TTN: variants seen among roughly 807,000 people sequenced by gnomAD.
The protein encoded by TTN is titin.
In TTN, 1,525 loss-of-function variants were observed where a neutral mutation model predicts 3,223.0. The ratio of observed to expected loss-of-function variants is 0.47; its 90% CI spans 0.45 to 0.49. The LOEUF is 0.49. Among genes scored for constraint, TTN ranks in the 20% least tolerant of loss-of-function variants. The pLI is 0.00. For synonymous variants in TTN, 14,094 were observed against 15,161.0 expected (o/e 0.93, Z 5.17); for missense variants, 40,786 against 43,424.0 (o/e 0.94, Z 5.40).
At chr2:178,683,136 A>T in intron 134 of TTN, 75 bp downstream of exon 134, 1 of 1,061,782 alleles carries the variant, frequency 9.4e-7, no homozygotes, top group Non-Finnish European at 1.4e-6. Flanking sequence ...AAAGTATAGG[A>T]GTCAGATTGG....
rs533677434 is a variant in TTN, at chr2:178,793,333, T to C, written c.1536+71A>G. 2.2e-4 allele frequency: 340 copies of C among 1,577,166 alleles called. No individual in the cohort carries two copies. The African/African-American group carries it at 3.9e-3, about 18-fold the overall frequency. The stretch of plus-strand genomic sequence containing the variant: ...GTGGCCCAAGGAACAACACTCTTCA[T>C]GGTAAAGGTGATTATCTGTGTTGAC... On this transcript the variant is annotated intron_variant, in intron 9 of 362. Transcript: ENST00000589042.
At chr2:178,596,750 C>A (rs1370107202) in intron 294 of TTN, among the ~76,000 whole-genome samples, 3 of 151,996 alleles carry the variant, frequency 2.0e-5, no homozygotes, top group Admixed American at 2.0e-4. Flanking sequence ...ATAGAACTGG[C>A]AATTTTCACA....
chr2:178,704,077 C>A, intron 106 of TTN, 70 bp downstream of exon 106: 1 of 1,555,620 alleles, frequency 6.4e-7, no homozygotes, highest in Admixed American at 1.8e-5. Flanking sequence ...GGTAGGGTTG[C>A]AGGGGTCCTG....
chr2:178,764,012 A>C (rs2089873259), intron 43 of TTN, among the ~76,000 whole-genome samples, 165 bp downstream of exon 43: 1 of 152,230 alleles, frequency 6.6e-6, no homozygotes, highest in Admixed American at 6.5e-5. Flanking sequence ...AAAAACACTT[A>C]TCTAATTCTT....
At position 178,799,879 on chromosome 2, in the gene TTN, C is replaced by T. The variant is rs760203564; in HGVS notation, c.615G>A (p.Lys205=). The change falls in exon 5 of 363, where the codon AAG becomes AAA. Residue 205 remains lysine, a synonymous_variant. Transcript: ENST00000589042. ...AGATCTGAGCAGTCGAAACAATTGTCTTTGTCTTTTTAGCAGGTACTTCTT... is the reference window on the plus strand; with the variant it reads ...AGATCTGAGCAGTCGAAACAATTGTTTTTGTCTTTTTAGCAGGTACTTCTT... The part of the protein sequence containing the change: ...GEEEVPAKKT[K]TIVSTAQISE... 6.2e-7 allele frequency: 1 copy of T among 1,614,100 alleles called. No homozygotes were observed. Among genetic ancestry groups the T allele is most frequent in the Non-Finnish European group, 8.5e-7 (1 of 1,179,996 alleles).
At chr2:178,654,646 G>A in intron 191 of TTN, 99 bp downstream of exon 191, 1 of 567,922 alleles carries the variant, frequency 1.8e-6, no homozygotes, top group Non-Finnish European at 3.0e-6. Context: ...GTTTTCTTTA[G>A]AATTATATCA....
rs745322652 is a variant in TTN, at chr2:178,727,181, G to T, written c.20184C>A (p.Asn6728Lys). Residue 6728 changes from asparagine to lysine, a missense_variant, in exon 69 of 363, where the codon AAC (asparagine) becomes AAA (lysine). Coordinates refer to ENST00000589042, the MANE Select transcript of TTN (RefSeq NM_001267550.2). ...CTCCACTGTCCTCAGTACTGAGATTGTTCATCTGTATGACGGCCACTGAGT... is the reference window on the plus strand; with the variant it reads ...CTCCACTGTCCTCAGTACTGAGATTTTTCATCTGTATGACGGCCACTGAGT... ...FIDSVAVIQM[N>K]NLSTEDSGDF... 1 of 1,613,216 alleles carries T rather than the reference G, an allele frequency of 6.2e-7. No homozygotes were observed. The highest frequency in any genetic ancestry group is 8.5e-7 in the Non-Finnish European group (1 of 1,179,410).
In TTN at chr2:178,611,036, A is replaced by T; in HGVS notation, c.51093T>A (p.Asn17031Lys). The change falls in exon 270 of 363, where the codon AAT (asparagine) becomes AAA (lysine). Residue 17031 changes from asparagine (N) to lysine (K), a missense_variant. Physicochemically the swap from Asn to Lys is moderately conservative, Grantham distance 94. Coordinates refer to ENST00000589042, the MANE Select transcript of TTN (RefSeq NM_001267550.2). ...TTGAGGCTGTTGCTGAGCCGAGCTT[A>T]TTCTCCAGTGTAATGGTATAAATTC... is the stretch of plus-strand genomic sequence containing the variant. ...DAGIYTITLE[N>K]KLGSATASIN... 6.2e-7 allele frequency: 1 copy of T among 1,612,676 alleles called. No individual in the cohort carries two copies.
Position 178,530,872 on chromosome 2 carries a change from T to C in TTN, c.105743A>G (p.Lys35248Arg). 6.2e-7 allele frequency: 1 copy of C among 1,613,920 alleles called. No homozygotes were observed. The highest frequency in any genetic ancestry group is 8.5e-7 in the Non-Finnish European group (1 of 1,179,882). ...TGGAGATTTCACTCGTTTTGGAGAC[T>C]TAACTGCTTCTGGGGATTTCACCCG... ...EPRVKSPEAV[K>R]SPKRVKSPEP... The change falls in exon 358 of 363, where the codon AAG becomes AGG. Residue 35248 changes from lysine to arginine, a missense_variant. Coordinates refer to ENST00000589042, the MANE Select transcript of TTN (RefSeq NM_001267550.2).
intron 13 of TTN, among the ~76,000 whole-genome samples, chr2:178,788,033 G>A (rs1165024373): frequency 6.6e-6 from 1 of 152,014 alleles, no homozygotes; most frequent in Admixed American, 6.6e-5. Flanking sequence ...ACTGGAGGAT[G>A]GACTGAATCT....
chr2:178,720,163 C>A lies in TTN; in HGVS notation c.23479G>T (p.Val7827Phe). 6.2e-7 allele frequency: 1 copy of A among 1,613,764 alleles called. No individual in the cohort carries two copies. The change falls in exon 81 of 363, where the codon GTC (valine) becomes TTC (phenylalanine). Residue 7827 changes from valine to phenylalanine, a missense_variant. By Grantham distance (50) the Val-to-Phe change is conservative (BLOSUM62 -1). Transcript: ENST00000589042. ...IVEGFQPISV[V>F]WLKDRGEVIR... ...ACTTCACCTCTATCTTTCAGCCAGA[C>A]AACAGAAATTGGCTGGAAGCCCTCC...
chr2:178,793,360 C>T (rs774818391), intron 9 of TTN, 44 bp downstream of exon 9: 7 of 1,609,190 alleles, frequency 4.4e-6, no homozygotes, highest in Non-Finnish European at 5.9e-6. Flanking sequence ...TGTGTTGACC[C>T]CTGTAAGAAC....
rs794729508 is a variant in TTN, at chr2:178,567,990, T to G, written c.78142A>C (p.Thr26048Pro). ...TCAAGATTCTGTGCTTTGAATTGGGTGTCATGAATAATAGTTTTGTTGACC... is the reference window on the plus strand; with the variant it reads ...TCAAGATTCTGTGCTTTGAATTGGGGGTCATGAATAATAGTTTTGTTGACC... ...TKVNKTIIHD[T>P]QFKAQNLEEG... The change falls in exon 326 of 363, where the codon ACC (threonine) becomes CCC (proline). Residue 26048 changes from threonine to proline, a missense_variant. Transcript: ENST00000589042. The G allele has an allele frequency of 1.2e-6, 2 of 1,613,354 alleles. No individual in the cohort carries two copies. The highest frequency in any genetic ancestry group is 2.7e-5 in the African/African-American group (2 of 74,872).
chr2:178,679,454 A>G, intron 141 of TTN, 38 bp from the exon 142 acceptor site: 2 of 1,604,172 alleles, frequency 1.2e-6, no homozygotes, highest in Non-Finnish European at 8.5e-7. Flanking sequence ...TCTAACTACT[A>G]GTAACAACAC....
chr2:178,630,107 G>T, intron 239 of TTN, 134 bp downstream of exon 239: 1 of 1,262,954 alleles, frequency 7.9e-7, no homozygotes, highest in Non-Finnish European at 1.1e-6. Context: ...TGTCAAAGTG[G>T]CAAATACAAG....
rs397517603 is a variant in TTN at position 178,610,147 on chromosome 2, C to A, written c.51379G>T (p.Val17127Phe). ...AGTTCAATATATTCTCCTCCACCAA[C>A]CTTGTTGACTGCTTTAACACGGAAG... ...YFFRVKAVNKVGGGEYIELKN... is the reference protein window; with the variant it reads ...YFFRVKAVNKFGGGEYIELKN... Residue 17127 changes from valine (V) to phenylalanine (F), a missense_variant, in exon 271 of 363, where the codon GTT becomes TTT. By Grantham distance (50) the Val-to-Phe change is conservative. Coordinates refer to ENST00000589042, the MANE Select transcript of TTN (RefSeq NM_001267550.2). The A allele has an allele frequency of 2.9e-5, 47 of 1,612,856 alleles. No individual in the cohort carries two copies. The highest frequency in any genetic ancestry group is 3.7e-5 in the Non-Finnish European group (44 of 1,179,326).
At chr2:178,647,600 A>G in intron 213 of TTN, 136 bp from the exon 214 acceptor site, 1 of 732,382 alleles carries the variant, frequency 1.4e-6, no homozygotes, top group Non-Finnish European at 2.3e-6. Context: ...ACATGGCACC[A>G]TTTTGGACAT....
In TTN at chr2:178,568,364, A is replaced by G. The variant is rs1706767916; in HGVS notation, c.77768T>C (p.Ile25923Thr). 6.2e-7 allele frequency: 1 copy of G among 1,613,242 alleles called. No homozygotes were observed. Among genetic ancestry groups the G allele is most frequent in the African/African-American group, 1.3e-5 (1 of 74,896 alleles). ...NPPLYTGGCQ[I>T]TNYIVQKRDT... ...TCTTTTCTGAACAATGTAGTTGGTG[A>G]TTTGGCAGCCCCCTGTATATAATGG... Residue 25923 changes from isoleucine to threonine, a missense_variant, in exon 326 of 363, where the codon ATC becomes ACC. Transcript: ENST00000589042.
chr2:178,705,536 G>A (rs1186118897), intron 102 of TTN, among the ~76,000 whole-genome samples, 179 bp from the exon 103 acceptor site: 5 of 152,012 alleles, frequency 3.3e-5, no homozygotes, highest in Non-Finnish European at 4.4e-5. Flanking sequence ...AGATGGAGTC[G>A]ATTAAGATCA....
Sources: gnomAD v4.1 joint callset for allele counts (sites outside exome capture counted in the v4.1 genomes callset) on GRCh38, gnomAD v4.1.1 for gene constraint, MANE v1.5 for transcripts, NCBI Gene and HGNC (gene_info 2026-07-23, HGNC 2026-07-21) for gene names.